Variants in SYCP1 observed in about 807,000 individuals in gnomAD.
SYCP1 encodes cancer/testis antigen 8.
A neutral mutation model predicts 153.1 loss-of-function variants in SYCP1; 64 were observed. That is an observed-to-expected ratio of 0.42 (90% CI 0.34 to 0.51). The LOEUF (loss-of-function observed/expected upper bound fraction) is 0.51, where lower values mean the gene tolerates loss of function less well. Among genes scored for constraint, SYCP1 ranks in the 20% least tolerant of loss-of-function variants. SYCP1 has a pLI of 0.06. For missense variants in SYCP1, 997 were observed against 1,049.0 expected (o/e 0.95, Z 0.68); for synonymous variants, 384 against 341.8 (o/e 1.12, Z -1.36).
chr1:114,923,641 T>C (rs544612193), intron 21 of SYCP1, 111 bp downstream of exon 21: 291 of 1,093,918 alleles, frequency 2.7e-4, no homozygotes, highest in Non-Finnish European at 3.4e-4. Flanking sequence ...ATAATAGTGA[T>C]CTAGAGACTG....
intron 27 of SYCP1, among the ~76,000 whole-genome samples, chr1:114,955,257 C>T (rs1045213157): frequency 6.6e-6 from 1 of 151,958 alleles, no homozygotes; most frequent in Admixed American, 6.6e-5. Flanking sequence ...TGGTGTATGA[C>T]ATATACATAT....
intron 23 of SYCP1, among the ~76,000 whole-genome samples, chr1:114,944,057 A>G (rs17604491): frequency 0.061 from 9,251 of 151,876 alleles, 322 homozygotes; most frequent in Middle Eastern, 0.14. Flanking sequence ...AAACTGAGTG[A>G]GAGTAACCAA....
intron 30 of SYCP1, among the ~76,000 whole-genome samples, chr1:114,990,001 G>A (rs1046911299): frequency 5.3e-5 from 8 of 151,796 alleles, no homozygotes; most frequent in African/African-American, 1.9e-4. Flanking sequence ...AGCTAATTAG[G>A]TCTAACAGAC....
intron 15 of SYCP1, among the ~76,000 whole-genome samples, chr1:114,892,846 G>A (rs1050027794): frequency 1.3e-5 from 2 of 151,988 alleles, no homozygotes; most frequent in African/African-American, 4.8e-5. Context: ...GAGATGCGGG[G>A]GTTTTTGGGC....
At chr1:114,987,156 C>G (rs1009756991) in intron 30 of SYCP1, among the ~76,000 whole-genome samples, 3 of 151,058 alleles carry the variant, frequency 2.0e-5, no homozygotes, top group African/African-American at 7.3e-5. Flanking sequence ...TATTCAAAAG[C>G]AAAGCAAAAA....
intron 27 of SYCP1, among the ~76,000 whole-genome samples, chr1:114,972,924 G>A (rs1672584778): frequency 6.6e-6 from 1 of 152,152 alleles, no homozygotes; most frequent in African/African-American, 2.4e-5. Flanking sequence ...GGTCTATAGT[G>A]CAGATTAAGT....
chr1:114,854,827 G>A (rs896492774), upstream of SYCP1: 1 of 152,220 alleles, frequency 6.6e-6, no homozygotes, highest in East Asian at 1.9e-4. Context: ...AGCCCACACA[G>A]CGACGGTTAT....
intron 20 of SYCP1, among the ~76,000 whole-genome samples, chr1:114,919,903 T>C (rs1436261834): frequency 6.6e-6 from 1 of 151,948 alleles, no homozygotes; most frequent in Admixed American, 6.6e-5. Flanking sequence ...TTTTTCTTAG[T>C]TCGTCTTCCT....
intron 23 of SYCP1, among the ~76,000 whole-genome samples, chr1:114,928,175 A>G (rs1375259380): frequency 6.6e-6 from 1 of 152,150 alleles, no homozygotes; most frequent in Non-Finnish European, 1.5e-5. Context: ...ACTTAAAACA[A>G]ACTTGCAGAT....
intron 15 of SYCP1, among the ~76,000 whole-genome samples, chr1:114,892,554 G>A (rs1361745084): frequency 6.6e-6 from 1 of 152,138 alleles, no homozygotes; most frequent in South Asian, 2.1e-4. Flanking sequence ...TGTGAGCAAG[G>A]TAGCTTGTCC....
At chr1:114,884,079 T>A (rs904359296) in intron 12 of SYCP1, among the ~76,000 whole-genome samples, 1 of 152,342 alleles carries the variant, frequency 6.6e-6, no homozygotes, top group East Asian at 1.9e-4. Flanking sequence ...TTTAAAAATA[T>A]AAACTTGGCA....
In SYCP1 at chr1:114,947,282, T is replaced by C; in HGVS notation, c.2284T>C (p.Ser762Pro). The C allele has an allele frequency of 6.2e-7, 1 of 1,613,122 alleles. No homozygotes were observed. Among genetic ancestry groups the C allele is most frequent in the South Asian group, 1.1e-5 (1 of 90,930 alleles). The change falls in exon 27 of 32, where the codon TCT becomes CCT. Residue 762 changes from serine to proline, a missense_variant. Ser to Pro is a moderately conservative substitution (Grantham distance 74). Transcript: ENST00000369522. Reference protein sequence around the residue: ...ELSNLKAELLSVKKQLEIERE... With the variant: ...ELSNLKAELLPVKKQLEIERE... ...ATCCAATCTCAAAGCTGAACTTTTG[T>C]CTGTTAAGAAGCAACTTGAAATAGA...
chr1:114,965,834 T>G (rs1672091012), intron 27 of SYCP1, among the ~76,000 whole-genome samples: 1 of 152,176 alleles, frequency 6.6e-6, no homozygotes, highest in Non-Finnish European at 1.5e-5. Flanking sequence ...CTGCCAGGTT[T>G]TGGTATAAGG....
At chr1:114,930,897 A>G (rs1223048901) in intron 23 of SYCP1, among the ~76,000 whole-genome samples, 1 of 151,938 alleles carries the variant, frequency 6.6e-6, no homozygotes, top group Non-Finnish European at 1.5e-5. Context: ...TCTAGATTTT[A>G]ATACATGATA....
At chr1:114,974,176 T>C (rs1305657406) in intron 27 of SYCP1, among the ~76,000 whole-genome samples, 1 of 151,938 alleles carries the variant, frequency 6.6e-6, no homozygotes, top group Admixed American at 6.6e-5. Context: ...ATTGTATTTG[T>C]TGATATGATA....
At chr1:114,857,156 A>AAAAAAG (rs774041717) in intron 3 of SYCP1, 76 bp from the exon 4 acceptor site, 11 of 921,360 alleles carry the variant, frequency 1.2e-5, no homozygotes, top group African/African-American at 3.4e-5. Flanking sequence ...AAAAAAAAAA[A>AAAAAAG]AGAGAAAAAA....
chr1:114,904,275 C>G (rs1377012097), intron 16 of SYCP1, among the ~76,000 whole-genome samples: 1 of 152,014 alleles, frequency 6.6e-6, no homozygotes, highest in Non-Finnish European at 1.5e-5. Context: ...CACCACCACG[C>G]CTGGCTACTT....
intron 20 of SYCP1, among the ~76,000 whole-genome samples, chr1:114,918,692 G>A (rs1345608030): frequency 6.6e-6 from 1 of 151,838 alleles, no homozygotes; most frequent in African/African-American, 2.4e-5. Flanking sequence ...AGTTTGCATT[G>A]TAAAGATTTT....
intron 15 of SYCP1, among the ~76,000 whole-genome samples, chr1:114,888,168 A>T (rs959682938): frequency 1.1e-4 from 16 of 152,216 alleles, no homozygotes; most frequent in African/African-American, 3.6e-4. Context: ...GACATTCTCT[A>T]CAGTAGTTAT....
Sources: gnomAD v4.1 joint callset for allele counts (sites outside exome capture counted in the v4.1 genomes callset) on GRCh38, gnomAD v4.1.1 for gene constraint, MANE v1.5 for transcripts, NCBI Gene and HGNC (gene_info 2026-07-23, HGNC 2026-07-21) for gene names.